Variants in PDE1A observed in about 807,000 individuals in gnomAD.
PDE1A encodes the protein phosphodiesterase 1A.
PDE1A carries 35 observed loss-of-function variants against 61.7 expected under a neutral mutation model. The ratio of observed to expected loss-of-function variants is 0.57; its 90% confidence interval spans 0.43 to 0.75. The LOEUF (loss-of-function observed/expected upper bound fraction) is 0.75, where lower values mean the gene tolerates loss of function less well. PDE1A is among the 30% of genes least tolerant of loss of function. PDE1A has a pLI of 0.00. For synonymous variants in PDE1A, 232 were observed against 213.2 expected (o/e 1.09, Z -0.77); for missense variants, 597 against 630.6 (o/e 0.95, Z 0.57).
chr2:182,255,813 G>A (rs548481813), intron 2 of PDE1A, among the ~76,000 whole-genome samples: 15 of 151,372 alleles, frequency 9.9e-5, no homozygotes, highest in African/African-American at 2.4e-4. Flanking sequence ...GTGCACTAGC[G>A]CACCTAGCTA....
the PDE1A span, among the ~76,000 whole-genome samples, chr2:182,678,455 A>G: frequency 6.6e-6 from 1 of 152,062 alleles, no homozygotes; most frequent in Non-Finnish European, 1.5e-5. Flanking sequence ...AAGAAAGAGA[A>G]ACTATTTAGG....
chr2:182,261,590 G>A (rs1264374432), intron 2 of PDE1A, among the ~76,000 whole-genome samples: 3 of 152,094 alleles, frequency 2.0e-5, no homozygotes, highest in Non-Finnish European at 4.4e-5. Context: ...TTTCTACCAC[G>A]AAGCAGGGCA....
intron 10 of PDE1A, among the ~76,000 whole-genome samples, chr2:182,189,376 C>T (rs913937362): frequency 1.3e-5 from 2 of 152,174 alleles, no homozygotes; most frequent in Non-Finnish European, 2.9e-5. Context: ...CATAAAATAA[C>T]TAGCCATCTT....
intron 1 of PDE1A, among the ~76,000 whole-genome samples, chr2:182,280,708 T>G (rs1693745151): frequency 6.6e-6 from 1 of 151,932 alleles, no homozygotes; most frequent in African/African-American, 2.4e-5. Flanking sequence ...TGCCTTCTCT[T>G]TTTTTCCTCT....
the PDE1A span, among the ~76,000 whole-genome samples, chr2:182,651,487 G>A: frequency 1.2e-4 from 19 of 152,240 alleles, no homozygotes; most frequent in Non-Finnish European, 1.9e-4. Context: ...TATCTACATA[G>A]TTAGAACAGA....
the PDE1A span, among the ~76,000 whole-genome samples, chr2:182,620,144 T>C: frequency 6.6e-6 from 1 of 151,910 alleles, no homozygotes; most frequent in Non-Finnish European, 1.5e-5. Flanking sequence ...TAGAATCTCA[T>C]AAAATAAAGA....
chr2:182,686,145 G>C, the PDE1A span, among the ~76,000 whole-genome samples: 2 of 152,176 alleles, frequency 1.3e-5, no homozygotes, highest in South Asian at 4.1e-4. Flanking sequence ...CATCTGCAAA[G>C]TAGGAAGAGA....
intron 1 of PDE1A, among the ~76,000 whole-genome samples, chr2:182,389,426 T>TA (rs1454743451): frequency 6.6e-6 from 1 of 151,694 alleles, no homozygotes; most frequent in East Asian, 1.9e-4. Context: ...ATAACCCAAT[T>TA]AAAAAATGGA....
the PDE1A span, among the ~76,000 whole-genome samples, chr2:182,535,987 C>T: frequency 4.6e-5 from 7 of 152,302 alleles, no homozygotes; most frequent in South Asian, 1.4e-3. Flanking sequence ...ACTGAACATG[C>T]TAAAGTGAAC....
chr2:182,325,785 G>T (rs946918611), intron 1 of PDE1A, among the ~76,000 whole-genome samples: 1 of 152,084 alleles, frequency 6.6e-6, no homozygotes, highest in Non-Finnish European at 1.5e-5. Context: ...CTGGCATGGT[G>T]GTGTGCATCT....
At chr2:182,437,442 G>T (rs139228175) in intron 2 of PDE1A, among the ~76,000 whole-genome samples, 2 of 151,816 alleles carry the variant, frequency 1.3e-5, no homozygotes, top group Non-Finnish European at 2.9e-5. Flanking sequence ...GGCTAGATAG[G>T]CTCCATTCAT....
intron 1 of PDE1A, among the ~76,000 whole-genome samples, chr2:182,404,913 A>G (rs1170373781): frequency 6.6e-6 from 1 of 152,242 alleles, no homozygotes; most frequent in Non-Finnish European, 1.5e-5. Context: ...TAAAATAACA[A>G]TAAAAAGTAT....
At chr2:182,436,150 CA>C (rs1377518722) in intron 2 of PDE1A, among the ~76,000 whole-genome samples, 12 of 152,072 alleles carry the variant, frequency 7.9e-5, no homozygotes, top group African/African-American at 2.6e-4. Context: ...CAGAGAAAAT[CA>C]ATACCACATA....
intron 7 of PDE1A, among the ~76,000 whole-genome samples, chr2:182,209,839 A>G (rs1687432541): frequency 6.6e-6 from 1 of 152,158 alleles, no homozygotes; most frequent in African/African-American, 2.4e-5. Flanking sequence ...CTATGAGTCA[A>G]TTGAACCTCT....
intron 1 of PDE1A, among the ~76,000 whole-genome samples, chr2:182,313,339 G>A (rs531453039): frequency 1.2e-4 from 18 of 152,204 alleles, no homozygotes; most frequent in Admixed American, 2.6e-4. Context: ...GCTTGAACCC[G>A]GGAGGCAGGG....
chr2:182,242,493 C>T (rs553557382), intron 2 of PDE1A, among the ~76,000 whole-genome samples: 2 of 152,302 alleles, frequency 1.3e-5, no homozygotes, highest in East Asian at 1.9e-4. Context: ...CAACTACCTC[C>T]GTGAGGTTTA....
the PDE1A span, among the ~76,000 whole-genome samples, chr2:182,710,783 C>T: frequency 2.0e-5 from 3 of 152,130 alleles, no homozygotes; most frequent in Admixed American, 6.5e-5. Context: ...TGTCTTCATA[C>T]CTTGGCTCTT....
chr2:182,401,368 T>C (rs1159556202), intron 1 of PDE1A, among the ~76,000 whole-genome samples: 5 of 152,166 alleles, frequency 3.3e-5, no homozygotes, highest in Non-Finnish European at 1.5e-5. Context: ...TGGGTCAACA[T>C]ATGCAAATCA....
At chr2:182,682,459 T>C in the PDE1A span, among the ~76,000 whole-genome samples, 2 of 152,156 alleles carry the variant, frequency 1.3e-5, no homozygotes, top group Middle Eastern at 3.2e-3. Context: ...TGGTGTCTTA[T>C]TTTCCAGATG....
Sources: gnomAD v4.1 joint callset for allele counts (sites outside exome capture counted in the v4.1 genomes callset) on GRCh38, gnomAD v4.1.1 for gene constraint, MANE v1.5 for transcripts, NCBI Gene and HGNC (gene_info 2026-07-23, HGNC 2026-07-21) for gene names.